Variants in RBM33 observed in about 807,000 individuals in gnomAD.
The protein encoded by RBM33 is RNA binding motif protein 33, also known as RNA-binding protein 33.
RBM33 carries 28 observed loss-of-function variants against 132.6 expected under a neutral mutation model. The ratio of observed to expected loss-of-function variants is 0.21; its 90% CI spans 0.16 to 0.29. RBM33 has a LOEUF of 0.29. RBM33 is among the 10% of genes least tolerant of loss of function. The pLI, the probability that RBM33 is intolerant of heterozygous loss-of-function variation, is 1.00. For missense variants in RBM33, 1,291 were observed against 1,518.5 expected, an observed-to-expected ratio of 0.85 and a Z score of 2.49; for synonymous variants, 634 against 593.0, an observed-to-expected ratio of 1.07 and a Z score of -1.01.
intron 2 of RBM33, among the ~76,000 whole-genome samples, chr7:155,672,048 A>T (rs778179259): frequency 1.3e-5 from 2 of 152,130 alleles, no homozygotes; most frequent in Non-Finnish European, 2.9e-5. Flanking sequence ...ATACAAAGCT[A>T]ATTTCCCTTA....
chr7:155,692,757 C>A (rs1228991757), intron 5 of RBM33, among the ~76,000 whole-genome samples: 1 of 152,206 alleles, frequency 6.6e-6, no homozygotes, highest in East Asian at 1.9e-4. Context: ...CTTCACTGTT[C>A]TTGACAGTAT....
intron 9 of RBM33, among the ~76,000 whole-genome samples, chr7:155,726,791 T>C (rs1312465640): frequency 6.6e-6 from 1 of 152,246 alleles, no homozygotes; most frequent in African/African-American, 2.4e-5. Context: ...TTCTTGGAGA[T>C]AGATTTGTCT....
intron 9 of RBM33, among the ~76,000 whole-genome samples, 179 bp from the exon 10 acceptor site, chr7:155,737,351 C>CTGTGTGTG (rs1491453092): frequency 1.0e-5 from 1 of 99,434 alleles, no homozygotes; most frequent in African/African-American, 7.6e-5. Flanking sequence ...GGATGCATGA[C>CTGTGTGTG]TCTGTGTGTG....
intron 1 of RBM33, among the ~76,000 whole-genome samples, chr7:155,650,753 A>G (rs552842206): frequency 1.3e-5 from 2 of 152,308 alleles, no homozygotes; most frequent in East Asian, 3.9e-4. Flanking sequence ...TGATTTATTT[A>G]GTTTTATAAG....
Position 155,725,808 on chromosome 7 carries a change from T to TGTG in RBM33, c.1260+7369_1260+7371dup. Reference sequence around the variant, plus strand: ...CATTATCCTAATGTATTTAAATTCATGTGGTGTTTTTTTACCCCTGCATGA... The same window carrying TGTG: ...CATTATCCTAATGTATTTAAATTCATGTGGTGGTGTTTTTTTACCCCTGCATGA... On this transcript the variant is annotated intron_variant, in intron 9 of 17. Coordinates refer to ENST00000401878, the MANE Select transcript of RBM33 (RefSeq NM_053043.3). Among the ~76,000 whole-genome samples the TGTG allele has an allele frequency of 3.9e-5, 6 of 152,340 alleles. 1 individual carries two copies. Among genetic ancestry groups the TGTG allele is most frequent in the Admixed American group, 3.9e-4 (6 of 15,304 alleles).
In RBM33 at chr7:155,711,304, G is replaced by T. The variant is rs781580971; in HGVS notation, c.1050G>T (p.Pro350=). The T allele has an allele frequency of 1.4e-5, 22 of 1,606,354 alleles. No homozygotes were observed. The highest frequency in any genetic ancestry group is 1.8e-5 in the Non-Finnish European group (21 of 1,176,660). Residue 350 remains proline (P), a synonymous_variant, in exon 8 of 18, where the codon CCG becomes CCT. Coordinates refer to ENST00000401878, the MANE Select transcript of RBM33 (RefSeq NM_053043.3). ...AGCCGCTGCTTCCGGTGCAGCACCC[G>T]CACCACCCATCCCCGCCTCAGGGAA... is the stretch of plus-strand genomic sequence containing the variant. ...PLQPLLPVQH[P]HHPSPPQGMH... is the part of the protein sequence containing the mutation.
chr7:155,766,379 C>A, intron 15 of RBM33, 88 bp from the exon 16 acceptor site: 1 of 1,404,374 alleles, frequency 7.1e-7, no homozygotes, highest in South Asian at 1.3e-5. Context: ...TTAATGGATT[C>A]TAAGTTATTT....
chr7:155,719,815 A>G (rs1041800952), intron 9 of RBM33, among the ~76,000 whole-genome samples: 1 of 152,242 alleles, frequency 6.6e-6, no homozygotes, highest in African/African-American at 2.4e-5. Context: ...ATTTTGTACT[A>G]CAAGGATAAA....
intron 16 of RBM33, among the ~76,000 whole-genome samples, chr7:155,773,239 C>T (rs1434720808): frequency 1.3e-5 from 2 of 152,176 alleles, no homozygotes; most frequent in Non-Finnish European, 2.9e-5. Context: ...TGCTGGTGCC[C>T]ATGCCAGGAC....
chr7:155,684,895 G>A (rs1406544871), intron 5 of RBM33: 6 of 1,542,840 alleles, frequency 3.9e-6, no homozygotes, highest in East Asian at 2.4e-5. Flanking sequence ...CCCCAAAGCT[G>A]TATGAGAAAA....
At position 155,774,276 on chromosome 7, in the gene RBM33, G is replaced by A. The variant is rs973483142; in HGVS notation, c.3376-283G>A. Among the ~76,000 whole-genome samples the A allele has an allele frequency of 1.3e-5, 2 of 152,240 alleles. No homozygotes were observed. The highest frequency in any genetic ancestry group is 2.9e-5 in the Non-Finnish European group (2 of 68,042). On this transcript the variant is annotated intron_variant, in intron 16 of 17. Transcript: ENST00000401878. The surrounding 1 kb of genome is among the most constrained non-coding windows in gnomAD (Gnocchi z 4.2). ...ACCTGCTACCCGGTCTCCCAGAGCA[G>A]GTTGGGGCAGCTGATGGGGCCAGAT...
chr7:155,700,033 C>T (rs1267000310), intron 5 of RBM33, among the ~76,000 whole-genome samples: 1 of 152,134 alleles, frequency 6.6e-6, no homozygotes, highest in Admixed American at 6.5e-5. Flanking sequence ...ATGAGTGATA[C>T]TTGGCAGTAA....
intron 5 of RBM33, chr7:155,685,104 A>G (rs1477249799): frequency 5.2e-6 from 8 of 1,528,944 alleles, no homozygotes; most frequent in Middle Eastern, 1.7e-4. Context: ...TCCCTCCCCC[A>G]GACTTAAAAT....
intron 11 of RBM33, chr7:155,738,633 C>T: frequency 1.8e-6 from 1 of 553,608 alleles, no homozygotes. Flanking sequence ...AAAAATGCTA[C>T]TTATTATAAT....
intron 9 of RBM33, among the ~76,000 whole-genome samples, chr7:155,731,344 T>C (rs1800951753): frequency 1.3e-5 from 2 of 152,242 alleles, no homozygotes; most frequent in Admixed American, 1.3e-4. Flanking sequence ...TGGTTTTTCC[T>C]GTACATATAT....
At chr7:155,738,528 C>T in intron 11 of RBM33, 125 bp downstream of exon 11, 1 of 921,220 alleles carries the variant, frequency 1.1e-6, no homozygotes, top group Non-Finnish European at 1.6e-6. Context: ...GAGTATTAGT[C>T]TCAAATGTAC....
intron 14 of RBM33, among the ~76,000 whole-genome samples, chr7:155,762,317 G>T (rs949195547): frequency 2.6e-5 from 4 of 152,202 alleles, no homozygotes; most frequent in African/African-American, 4.8e-5. Flanking sequence ...GGTGCTGTAT[G>T]GCCAGTGCTG....
intron 14 of RBM33, among the ~76,000 whole-genome samples, chr7:155,758,117 C>T (rs1801911226): frequency 6.6e-6 from 1 of 152,134 alleles, no homozygotes; most frequent in South Asian, 2.1e-4. Flanking sequence ...AATGTCTGTA[C>T]GGACCCTAGT....
At position 155,738,142 on chromosome 7, in the gene RBM33, T is replaced by TA; in HGVS notation, c.1478dup (p.Asn493LysfsTer3). On this transcript the variant is annotated frameshift_variant, in exon 11 of 18. Transcript: ENST00000401878. LOFTEE classifies it high-confidence loss of function. ...CACCACCACCGCCTCCTACCCTTCT[T>TA]AACAGTAGCCATCCTGTTCCTACTC... 6.2e-7 allele frequency: 1 copy of TA among 1,613,956 alleles called. No individual in the cohort carries two copies. Among genetic ancestry groups the TA allele is most frequent in the Non-Finnish European group, 8.5e-7 (1 of 1,179,896 alleles).
Sources: gnomAD v4.1 joint callset for allele counts (sites outside exome capture counted in the v4.1 genomes callset) on GRCh38, gnomAD v4.1.1 for gene constraint, Gnocchi (gnomAD v3.1) non-coding constraint, MANE v1.5 for transcripts, NCBI Gene and HGNC (gene_info 2026-07-23, HGNC 2026-07-21) for gene names.